Variants in EML3 observed in about 807,000 individuals in gnomAD.
The protein encoded by EML3 is EMAP like 3, also known as echinoderm microtubule-associated protein-like 3.
A neutral mutation model predicts 106.7 loss-of-function variants in EML3; 53 were observed. That is an observed-to-expected ratio of 0.50 (90% confidence interval 0.40 to 0.62). The LOEUF is 0.62. EML3 is among the 20% of genes least tolerant of loss of function. The pLI is 0.00. For missense variants in EML3, 994 were observed against 1,209.1 expected (o/e 0.82, Z 2.64); for synonymous variants, 499 against 489.6 (o/e 1.02, Z -0.25).
In EML3 at chr11:62,611,595, A is replaced by T. The variant is rs757367797; in HGVS notation, c.24T>A (p.Gly8=). 7 of 1,612,240 alleles carry T rather than the reference A, an allele frequency of 4.3e-6. No individual in the cohort carries two copies. The highest frequency in any genetic ancestry group is 1.3e-5 in the African/African-American group (1 of 74,878). The change falls in exon 2 of 22, where the codon GGT becomes GGA. Residue 8 remains glycine (G), a splice_region_variant and synonymous_variant. Coordinates refer to ENST00000394773, the MANE Select transcript of EML3 (RefSeq NM_153265.3). Reference sequence around the variant, plus strand: ...GGAGGGCCTCCCGAGCAGGGCCGTCACCTGGGAAAAGGGCAAGAGGTACTC... The same window carrying T: ...GGAGGGCCTCCCGAGCAGGGCCGTCTCCTGGGAAAAGGGCAAGAGGTACTC... MDGAAGP[G]DGPAREALQS... is the part of the protein sequence containing the mutation.
At chr11:62,604,276 C>T in intron 16 of EML3, 75 bp from the exon 17 acceptor site, 5 of 1,351,642 alleles carry the variant, frequency 3.7e-6, no homozygotes, top group Non-Finnish European at 5.2e-6. Context: ...GGAGGCCACC[C>T]TGGGTAGGCT....
chr11:62,610,787 C>G (rs1039585419), intron 4 of EML3, 92 bp downstream of exon 4: 2 of 1,148,352 alleles, frequency 1.7e-6, no homozygotes, highest in Admixed American at 2.3e-5. Context: ...CAATCAGGTC[C>G]CCCCACCCCA....
rs773587529 is a variant in EML3, at chr11:62,602,710, T to C, written c.2488-32A>G. 6.2e-6 allele frequency: 10 copies of C among 1,600,244 alleles called. No homozygotes were observed. The South Asian group carries it at 1.1e-4, about 18-fold the overall frequency. ...CGGAGGGAAGAGTTGCGGTGGCGGCTGAGCCCTCGGGCCCACCGGTCCCAC... is the reference window on the plus strand; with the variant it reads ...CGGAGGGAAGAGTTGCGGTGGCGGCCGAGCCCTCGGGCCCACCGGTCCCAC... On this transcript the variant is annotated intron_variant, in intron 21 of 21. Coordinates refer to ENST00000394773, the MANE Select transcript of EML3 (RefSeq NM_153265.3).
At position 62,611,500 on chromosome 11, in the gene EML3, G is replaced by A; in HGVS notation, c.119C>T (p.Ala40Val). ...MELVKAALAE[A>V]LRLLRLQVPP... ...CACCTGCAGCCGCAGCAGGCGAAGG[G>A]CTTCTGCCAGGGCTGCCTTTACCAG... Residue 40 changes from alanine to valine, a missense_variant, in exon 2 of 22, where the codon GCC (alanine) becomes GTC (valine). Coordinates refer to ENST00000394773, the MANE Select transcript of EML3 (RefSeq NM_153265.3). 1 of 1,613,754 alleles carries A rather than the reference G, an allele frequency of 6.2e-7. No individual in the cohort carries two copies. Among genetic ancestry groups the A allele is most frequent in the Non-Finnish European group, 8.5e-7 (1 of 1,179,948 alleles).
rs1368908601 is a variant in EML3 at position 62,602,599 on chromosome 11, G to A, written c.2567C>T (p.Ser856Leu). 1 of 1,557,658 alleles carries A rather than the reference G, an allele frequency of 6.4e-7. No homozygotes were observed. ...GATGCTGGCGTCCTTGCCGCCCAGC[G>A]AGACGAGGTGCGAGTCGTCGTGCGT... ...RFTHDDSHLV[S>L]LGGKDASIFQ... Residue 856 changes from serine (S) to leucine (L), a missense_variant, in exon 22 of 22, where the codon TCG becomes TTG. Around this residue, in one of 3 missense-constraint regions of EML3, gnomAD observed 713 missense variants for 920.5 expected, o/e 0.77. Transcript: ENST00000394773.
In EML3 at chr11:62,609,523, CAG is replaced by C. The variant is rs757274187; in HGVS notation, c.635-48_635-47del. The C allele has an allele frequency of 2.3e-5, 36 of 1,541,158 alleles. No individual in the cohort carries two copies. The South Asian group carries it at 2.9e-4, about 12-fold the overall frequency. On this transcript the variant is annotated intron_variant, in intron 5 of 21. Transcript: ENST00000394773. ...GTCAACTACCCCCTTCCAGGAAAGA[CAG>C]AGCAGAACCCTACCCACCACACCTA...
In EML3 at chr11:62,612,530, G is replaced by C. The variant is rs1300475310; in HGVS notation, c.-73C>G. ...GCCGCGGGGGCCACGGCCGGGGAGA[G>C]GGGAAGGGGAAGCACCCCGGGGCGC... On this transcript the variant is annotated 5_prime_UTR_variant, in exon 1 of 22. Coordinates refer to ENST00000394773, the MANE Select transcript of EML3 (RefSeq NM_153265.3). 36 of 1,311,564 alleles carry C rather than the reference G, an allele frequency of 2.7e-5. No homozygotes were observed. Among genetic ancestry groups the C allele is most frequent in the Non-Finnish European group, 3.5e-5 (36 of 1,029,450 alleles). The allele number at this position is 1,311,564 out of a possible 1,614,324, so 81.2% of individuals were successfully genotyped here.
At position 62,602,523 on chromosome 11, in the gene EML3, C is replaced by T. The variant is rs1352474272; in HGVS notation, c.2643G>A (p.Thr881=). Residue 881 remains threonine (T), a synonymous_variant, in exon 22 of 22, where the codon ACG becomes ACA. Transcript: ENST00000394773. The stretch of plus-strand genomic sequence containing the variant: ...GGGACAGGGAGGGGGTTCGAGAGGG[C>T]GTGGCGGGCGCCGGCCCCGCGCCCC... ...GAGGAGPAPA[T]PSRTPSLSPA... 22 of 1,495,812 alleles carry T rather than the reference C, an allele frequency of 1.5e-5. No individual in the cohort carries two copies. Among genetic ancestry groups the T allele is most frequent in the Non-Finnish European group, 1.9e-5 (21 of 1,122,500 alleles). The allele number at this position is 1,495,812 out of a possible 1,614,324, so 92.7% of individuals were successfully genotyped here.
chr11:62,604,044 G>A lies in EML3; in HGVS notation c.2072-3C>T. 6.2e-7 allele frequency: 1 copy of A among 1,614,144 alleles called. No individual in the cohort carries two copies. Among genetic ancestry groups the A allele is most frequent in the Non-Finnish European group, 8.5e-7 (1 of 1,180,020 alleles). ...ACCAATGGCCAGGTACAACCCATCT[G>A]CAAATACAGTCACTCAGAGAGGGAA... On this transcript the variant is annotated splice_region_variant and splice_polypyrimidine_tract_variant and intron_variant, in intron 17 of 21. Coordinates refer to ENST00000394773, the MANE Select transcript of EML3 (RefSeq NM_153265.3).
At position 62,605,096 on chromosome 11, in the gene EML3, T is replaced by C. The variant is rs775640097; in HGVS notation, c.1982+17A>G. 3.7e-6 allele frequency: 6 copies of C among 1,607,470 alleles called. No homozygotes were observed. In the South Asian group the frequency reaches 5.5e-5, roughly 15 times the overall value. ...TCCTCCCTGCTTTCCCTCCTGGGAGTCCTGGCTCTCTCTCACCTCCCCGTG... is the reference window on the plus strand; with the variant it reads ...TCCTCCCTGCTTTCCCTCCTGGGAGCCCTGGCTCTCTCTCACCTCCCCGTG... On this transcript the variant is annotated intron_variant, in intron 16 of 21. Transcript: ENST00000394773. The surrounding 1 kb of genome is among the most constrained non-coding windows in gnomAD (Gnocchi z 5.2).
At chr11:62,609,722 G>C (rs1457120109) in intron 4 of EML3, 26 bp from the exon 5 acceptor site, 2 of 1,578,528 alleles carry the variant, frequency 1.3e-6, no homozygotes, top group South Asian at 2.3e-5. Flanking sequence ...AAAGCACAGG[G>C]ATTGGGGTCA....
Position 62,605,900 on chromosome 11 carries a change from T to C in EML3, c.1737A>G (p.Ala579=). The C allele has an allele frequency of 6.2e-7, 1 of 1,614,186 alleles. No individual in the cohort carries two copies. The highest frequency in any genetic ancestry group is 1.3e-5 in the African/African-American group (1 of 75,030). The part of the protein sequence containing the change: ...SELLVGTTKN[A]LLRGDLAQGF... ...CCTGGGCCAGGTCTCCCCTCAGCAATGCATTCTTCGTGGTTCCCACCAGCA... is the reference window on the plus strand; with the variant it reads ...CCTGGGCCAGGTCTCCCCTCAGCAACGCATTCTTCGTGGTTCCCACCAGCA... The change falls in exon 14 of 22, where the codon GCA becomes GCG. Residue 579 remains alanine (A), a synonymous_variant. Transcript: ENST00000394773. This position sits in a 1 kb window ranked among gnomAD's most constrained non-coding sequence, Gnocchi z 5.2.
rs900649635 is a variant in EML3, at chr11:62,606,425, G to C, written c.1505-211C>G. Reference sequence around the variant, plus strand: ...ACAGAAATGAGGTAACTTCCTAAAGGCAAGGCAACTAATAGCAAAACTGGA... The same window carrying C: ...ACAGAAATGAGGTAACTTCCTAAAGCCAAGGCAACTAATAGCAAAACTGGA... On this transcript the variant is annotated intron_variant, in intron 12 of 21. Transcript: ENST00000394773. The C allele has an allele frequency of 4.7e-6, 3 of 635,466 alleles. 1 individual carries two copies. Among genetic ancestry groups the C allele is most frequent in the Non-Finnish European group, 8.0e-6 (3 of 375,164 alleles). The allele number at this position is 635,466 out of a possible 1,614,324, so 39.4% of individuals were successfully genotyped here.
rs748394362 is a variant in EML3 at position 62,611,386 on chromosome 11, C to T, written c.194+39G>A. On this transcript the variant is annotated intron_variant, in intron 2 of 21. Coordinates refer to ENST00000394773, the MANE Select transcript of EML3 (RefSeq NM_153265.3). ...GAATTAACCTGAAGCCCCAGAGGCCCCAAGGAGGAGGAAAAATGGGGTGTG... is the reference window on the plus strand; with the variant it reads ...GAATTAACCTGAAGCCCCAGAGGCCTCAAGGAGGAGGAAAAATGGGGTGTG... The T allele has an allele frequency of 2.5e-6, 4 of 1,613,502 alleles. No individual in the cohort carries two copies. The Admixed American group carries it at 6.7e-5, about 27-fold the overall frequency.
chr11:62,612,317 G>GA, intron 1 of EML3, 119 bp downstream of exon 1: 1 of 1,024,072 alleles, frequency 9.8e-7, no homozygotes, highest in Non-Finnish European at 1.4e-6. Context: ...AGGATGCTCG[G>GA]AGCCCCTGGG....
At position 62,605,200 on chromosome 11, in the gene EML3, G is replaced by A. The variant is rs1004143258; in HGVS notation, c.1915-20C>T. On this transcript the variant is annotated intron_variant, in intron 15 of 21. Transcript: ENST00000394773. This position sits in a 1 kb window ranked among gnomAD's most constrained non-coding sequence, Gnocchi z 5.2. ...AGTCTCCTGGGAGAGGGGAGAAGGT[G>A]AATTCAAGATGATGTCTTTCTAGTG... is the stretch of plus-strand genomic sequence containing the variant. The A allele has an allele frequency of 1.2e-6, 2 of 1,609,364 alleles. No individual in the cohort carries two copies. Among genetic ancestry groups the A allele is most frequent in the African/African-American group, 1.3e-5 (1 of 74,698 alleles).
chr11:62,610,049 C>T (rs1226448946), intron 4 of EML3, among the ~76,000 whole-genome samples: 1 of 152,194 alleles, frequency 6.6e-6, no homozygotes, highest in Non-Finnish European at 1.5e-5. Context: ...CCTCCGCCTC[C>T]TGGGTTCAAG....
chr11:62,611,250 G>A lies in EML3; in HGVS notation c.289C>T (p.Pro97Ser). The A allele has an allele frequency of 6.2e-7, 1 of 1,612,580 alleles. No homozygotes were observed. The highest frequency in any genetic ancestry group is 8.5e-7 in the Non-Finnish European group (1 of 1,179,912). The change falls in exon 3 of 22, where the codon CCT becomes TCT. Residue 97 changes from proline (P) to serine (S), a missense_variant. By Grantham distance (74) the Pro-to-Ser change is moderately conservative. Coordinates refer to ENST00000394773, the MANE Select transcript of EML3 (RefSeq NM_153265.3). The part of the protein sequence containing the change: ...TETEVELKSS[P>S]GPPGLSNGPP... ...CCATTGCTCAGGCCAGGGGGTCCAGGGGATGACTTGAGCTCCACCTCTGTC... is the reference window on the plus strand; with the variant it reads ...CCATTGCTCAGGCCAGGGGGTCCAGAGGATGACTTGAGCTCCACCTCTGTC...
Position 62,602,356 on chromosome 11 carries a change from G to T in EML3, c.*119C>A, listed in dbSNP as rs759630256. The T allele has an allele frequency of 2.6e-5, 41 of 1,550,882 alleles. No homozygotes were observed. The highest frequency in any genetic ancestry group is 2.6e-6 in the Non-Finnish European group (3 of 1,146,688). On this transcript the variant is annotated 3_prime_UTR_variant, in exon 22 of 22. Transcript: ENST00000394773. Reference sequence around the variant, plus strand: ...CGCCCTCCAGGAAAATGCGCGATCGGGAATGTCTCGAAGTCAGTCCAGGAA... The same window carrying T: ...CGCCCTCCAGGAAAATGCGCGATCGTGAATGTCTCGAAGTCAGTCCAGGAA...
Sources: gnomAD v4.1 joint callset for allele counts (sites outside exome capture counted in the v4.1 genomes callset) on GRCh38, gnomAD v4.1.1 for gene constraint, gnomAD v4.1.1 regional missense constraint, Gnocchi (gnomAD v3.1) non-coding constraint, MANE v1.5 for transcripts, NCBI Gene and HGNC (gene_info 2026-07-23, HGNC 2026-07-21) for gene names.